EXOC4: variants seen among roughly 807,000 people sequenced by gnomAD.
EXOC4 encodes SEC8-like 1.
A neutral mutation model predicts 107.2 loss-of-function variants in EXOC4; 71 were observed. That is an observed-to-expected ratio of 0.66 (90% CI 0.55 to 0.81). EXOC4 has a LOEUF of 0.81. Ranked by LOEUF, EXOC4 falls within the 30% of genes least tolerant of loss-of-function variation. The pLI is 0.00. For synonymous variants in EXOC4, 456 were observed against 441.2 expected (o/e 1.03, Z -0.42); for missense variants, 1,108 against 1,189.6 (o/e 0.93, Z 1.01).
intron 10 of EXOC4, among the ~76,000 whole-genome samples, chr7:133,645,837 G>C (rs1482975596): frequency 6.6e-6 from 1 of 152,178 alleles, no homozygotes; most frequent in Non-Finnish European, 1.5e-5. Flanking sequence ...GTATTTTGTG[G>C]TAAAGTTATG....
intron 13 of EXOC4, among the ~76,000 whole-genome samples, chr7:133,922,988 T>G (rs202223598): frequency 5.0e-4 from 13 of 25,804 alleles, no homozygotes; most frequent in African/African-American, 2.1e-3. Flanking sequence ...ATATCCTGGG[T>G]TTTTTTTTTT....
In EXOC4 at chr7:134,051,847, A is replaced by T. The variant is rs377217873; in HGVS notation, c.2688-12444A>T. ...AAAAATACAAAAAAATTAGCTGGGCATGGTGGTGGGCACCTGTAGTCCCAG... is the reference window on the plus strand; with the variant it reads ...AAAAATACAAAAAAATTAGCTGGGCTTGGTGGTGGGCACCTGTAGTCCCAG... On this transcript the variant is annotated intron_variant, in intron 17 of 17. Transcript: ENST00000253861. 5.3e-3 allele frequency among the ~76,000 whole-genome samples: 804 copies of T among 150,532 alleles called. 7 individuals are homozygous for T. The highest frequency in any genetic ancestry group is 0.019 in the African/African-American group (764 of 40,902).
At chr7:133,571,961 A>G (rs1801032579) in intron 9 of EXOC4, among the ~76,000 whole-genome samples, 1 of 152,204 alleles carries the variant, frequency 6.6e-6, no homozygotes, top group Non-Finnish European at 1.5e-5. Flanking sequence ...TCACATTGGC[A>G]ACACCGGAAT....
chr7:133,895,456 T>C lies in EXOC4; in HGVS notation c.1735-143T>C, dbSNP rs1408734443. Reference sequence around the variant, plus strand: ...ATTCGGCCATCTTGGCTCCTCCCCCTGTTTTGAGTTCATATTTCAAAATGT... The same window carrying C: ...ATTCGGCCATCTTGGCTCCTCCCCCCGTTTTGAGTTCATATTTCAAAATGT... On this transcript the variant is annotated intron_variant, in intron 11 of 17. Transcript: ENST00000253861. 4.9e-6 allele frequency: 4 copies of C among 820,184 alleles called. No homozygotes were observed. The East Asian group carries it at 1.0e-4, about 21-fold the overall frequency. 50.8% of individuals were successfully genotyped at this position (820,184 alleles called of 1,614,324 possible). A position where few individuals can be genotyped will look rare whatever the true frequency, so the allele number is the denominator to read the frequency against.
At chr7:133,525,428 A>G (rs1352116287) in intron 9 of EXOC4, among the ~76,000 whole-genome samples, 1 of 152,300 alleles carries the variant, frequency 6.6e-6, no homozygotes. Flanking sequence ...GAACAATTGC[A>G]TATGTTTCTT....
chr7:133,438,811 G>C (rs1160023926), intron 7 of EXOC4, among the ~76,000 whole-genome samples: 1 of 152,170 alleles, frequency 6.6e-6, no homozygotes, highest in Non-Finnish European at 1.5e-5. Context: ...GAGCAAACTG[G>C]ACATTGTTCC....
intron 11 of EXOC4, among the ~76,000 whole-genome samples, chr7:133,864,260 TACA>T (rs1181792469): frequency 8.5e-5 from 13 of 152,318 alleles, no homozygotes; most frequent in Non-Finnish European, 1.3e-4. Flanking sequence ...GTATCATGTG[TACA>T]ACAACTCTGT....
intron 10 of EXOC4, among the ~76,000 whole-genome samples, chr7:133,774,712 C>A (rs4731981): frequency 0.84 from 127,733 of 152,086 alleles, 54,123 homozygotes; most frequent in East Asian, 0.99. Flanking sequence ...GACATTAGTT[C>A]TGAATTCATA....
At chr7:133,349,224 T>C (rs1265146047) in intron 5 of EXOC4, among the ~76,000 whole-genome samples, 1 of 152,100 alleles carries the variant, frequency 6.6e-6, no homozygotes, top group Non-Finnish European at 1.5e-5. Context: ...AATACATTGA[T>C]AGTGTTGTGC....
chr7:133,405,818 G>GCT, intron 7 of EXOC4, among the ~76,000 whole-genome samples: 1 of 152,234 alleles, frequency 6.6e-6, no homozygotes, highest in Admixed American at 6.5e-5. Flanking sequence ...ACACTGTCTT[G>GCT]CTCTCTCTCA....
intron 10 of EXOC4, among the ~76,000 whole-genome samples, chr7:133,792,772 C>T (rs556291510): frequency 6.6e-6 from 1 of 152,048 alleles, no homozygotes; most frequent in Non-Finnish European, 1.5e-5. Flanking sequence ...GGAAATGGCA[C>T]TGTAAAAATG....
In EXOC4 at chr7:133,501,276, C is replaced by T. The variant is rs559888939; in HGVS notation, c.1417+21138C>T. Among the ~76,000 whole-genome samples, 6 of 152,242 alleles carry T rather than the reference C, an allele frequency of 3.9e-5. No individual in the cohort carries two copies. In the South Asian group the frequency reaches 1.2e-3, roughly 32 times the overall value. Reference sequence around the variant, plus strand: ...TAATGCAAAGCTCTGATAATTAAGACTTTATGTTTTTCTTTGAGTGCCACC... The same window carrying T: ...TAATGCAAAGCTCTGATAATTAAGATTTTATGTTTTTCTTTGAGTGCCACC... On this transcript the variant is annotated intron_variant, in intron 9 of 17. Transcript: ENST00000253861.
chr7:133,327,435 C>T (rs1031136305), intron 5 of EXOC4, among the ~76,000 whole-genome samples: 16 of 151,452 alleles, frequency 1.1e-4, no homozygotes, highest in Non-Finnish European at 1.8e-4. Context: ...GCCTGTATCT[C>T]CTTCATTTCT....
intron 10 of EXOC4, among the ~76,000 whole-genome samples, chr7:133,808,841 C>T (rs779737579): frequency 6.6e-6 from 1 of 151,898 alleles, no homozygotes; most frequent in Non-Finnish European, 1.5e-5. Flanking sequence ...CCATGATTTC[C>T]CTTAGAGTGG....
chr7:133,894,302 G>A (rs1213816509), intron 11 of EXOC4, among the ~76,000 whole-genome samples: 1 of 86,240 alleles, frequency 1.2e-5, no homozygotes, highest in Non-Finnish European at 2.1e-5. Flanking sequence ...GCACTTCTCT[G>A]TATTGGTTAT....
chr7:133,975,769 A>G (rs1223434407), intron 14 of EXOC4, among the ~76,000 whole-genome samples: 9 of 147,872 alleles, frequency 6.1e-5, no homozygotes, highest in Admixed American at 2.7e-4. Context: ...ACACACACAC[A>G]CGCTATTCAC....
intron 11 of EXOC4, among the ~76,000 whole-genome samples, chr7:133,845,727 G>T (rs925472871): frequency 3.9e-5 from 6 of 152,054 alleles, no homozygotes; most frequent in African/African-American, 1.4e-4. Context: ...TATACTTCAT[G>T]TTGCATGCAG....
chr7:133,778,861 G>T (rs1796401878), intron 10 of EXOC4, among the ~76,000 whole-genome samples: 1 of 151,936 alleles, frequency 6.6e-6, no homozygotes, highest in Non-Finnish European at 1.5e-5. Flanking sequence ...TTCTGATTTA[G>T]CCTCACATGG....
chr7:133,538,946 T>A (rs1314935436), intron 9 of EXOC4, among the ~76,000 whole-genome samples: 1 of 63,410 alleles, frequency 1.6e-5, no homozygotes, highest in African/African-American at 6.2e-5. Context: ...CTTAGCTCTG[T>A]GAAATAGCTT....
Sources: allele counts gnomAD v4.1 joint callset (sites outside exome capture counted in the v4.1 genomes callset), GRCh38; gene constraint gnomAD v4.1.1; transcripts MANE v1.5; gene names NCBI Gene and HGNC (gene_info 2026-07-23, HGNC 2026-07-21).